Variants in TTC28 observed in about 807,000 individuals in gnomAD.
TTC28 encodes the protein tetratricopeptide repeat protein 28.
A neutral mutation model predicts 198.0 loss-of-function variants in TTC28; 61 were observed. The observed-to-expected ratio is 0.31, with a 90% CI of 0.25 to 0.38. The LOEUF (loss-of-function observed/expected upper bound fraction) is 0.38. TTC28 is among the 10% of genes least tolerant of loss of function. TTC28 has a pLI of 1.00. For missense variants in TTC28, 2,678 were observed against 3,164.0 expected (o/e 0.85, Z 3.69); for synonymous variants, 1,171 against 1,297.8 (o/e 0.90, Z 2.10).
intron 12 of TTC28, among the ~76,000 whole-genome samples, chr22:28,038,646 A>C (rs1217265099): frequency 6.6e-6 from 1 of 152,244 alleles, no homozygotes; most frequent in Non-Finnish European, 1.5e-5. Flanking sequence ...AAGCAATGGC[A>C]ACAAAAGCCA....
In TTC28 at chr22:28,308,046, A is replaced by G. The variant is rs373747737; in HGVS notation, c.382-1403T>C. ...CACCATTCAGTGTTTCTATTAAAAA[A>G]CAATCCATAAACAGAATGAATACTC... On this transcript the variant is annotated intron_variant, in intron 2 of 22. Transcript: ENST00000397906. Among the ~76,000 whole-genome samples the G allele has an allele frequency of 5.9e-5, 9 of 152,224 alleles. No homozygotes were observed. The East Asian group carries it at 1.7e-3, about 29-fold the overall frequency.
At chr22:28,165,665 G>T (rs1921846346) in intron 5 of TTC28, among the ~76,000 whole-genome samples, 1 of 152,154 alleles carries the variant, frequency 6.6e-6, no homozygotes, top group South Asian at 2.1e-4. Context: ...CCCTAAAAGA[G>T]CTCCTGAAGG....
intron 2 of TTC28, among the ~76,000 whole-genome samples, chr22:28,480,174 A>G (rs912383331): frequency 2.0e-5 from 3 of 152,190 alleles, no homozygotes; most frequent in African/African-American, 7.2e-5. Context: ...AAGAGAAACA[A>G]GAGTGCTCCT....
intron 17 of TTC28, 101 bp from the exon 18 acceptor site, chr22:27,993,619 C>T: frequency 8.2e-7 from 1 of 1,216,146 alleles, no homozygotes; most frequent in Non-Finnish European, 1.1e-6. Context: ...GCCAGGCTGA[C>T]TGCTGCAACC....
At chr22:28,117,839 TAGAA>T (rs1942674449) in intron 6 of TTC28, among the ~76,000 whole-genome samples, 1 of 152,094 alleles carries the variant, frequency 6.6e-6, no homozygotes, top group Admixed American at 6.5e-5. Flanking sequence ...AAAAAATAGT[TAGAA>T]AGAATGAATA....
At chr22:28,636,279 C>A (rs922568016) in intron 1 of TTC28, among the ~76,000 whole-genome samples, 1 of 151,804 alleles carries the variant, frequency 6.6e-6, no homozygotes, top group Non-Finnish European at 1.5e-5. Context: ...GTGCCCACCA[C>A]CATGTCCGGC....
At chr22:28,190,868 G>A (rs532378047) in intron 5 of TTC28, among the ~76,000 whole-genome samples, 30 of 151,894 alleles carry the variant, frequency 2.0e-4, no homozygotes, top group Non-Finnish European at 3.2e-4. Context: ...TCCCACTCTG[G>A]GCCTCTTTTT....
At chr22:28,199,530 C>CGTATATATAT (rs1555937410) in intron 5 of TTC28, among the ~76,000 whole-genome samples, 1 of 138,960 alleles carries the variant, frequency 7.2e-6, no homozygotes, top group African/African-American at 2.7e-5. Flanking sequence ...AATACCTATA[C>CGTATATATAT]ATATATATAT....
At chr22:28,165,159 C>T (rs1200339597) in intron 5 of TTC28, among the ~76,000 whole-genome samples, 1 of 152,116 alleles carries the variant, frequency 6.6e-6, no homozygotes, top group Non-Finnish European at 1.5e-5. Context: ...ACAAAGCCTC[C>T]AAGAAATATG....
intron 17 of TTC28, 59 bp from the exon 18 acceptor site, chr22:27,993,577 G>C: frequency 6.9e-7 from 1 of 1,456,652 alleles, no homozygotes; most frequent in Non-Finnish European, 9.2e-7. Flanking sequence ...CCATCCGCAT[G>C]GCTTTGAGGG....
intron 12 of TTC28, among the ~76,000 whole-genome samples, chr22:28,066,931 C>A (rs1345740268): frequency 1.3e-5 from 2 of 152,160 alleles, no homozygotes; most frequent in African/African-American, 4.8e-5. Flanking sequence ...CTGTGTTTGG[C>A]AGGGCAAAAA....
At chr22:28,191,480 G>A (rs1031822591) in intron 5 of TTC28, among the ~76,000 whole-genome samples, 2 of 152,258 alleles carry the variant, frequency 1.3e-5, no homozygotes, top group Admixed American at 6.5e-5. Context: ...GTAAGCGGAG[G>A]CAGGGCGAGG....
At chr22:28,550,128 A>T (rs1655211229) in intron 2 of TTC28, among the ~76,000 whole-genome samples, 1 of 152,160 alleles carries the variant, frequency 6.6e-6, no homozygotes, top group South Asian at 2.1e-4. Context: ...TGCCATTTTC[A>T]AAGAGGTACT....
intron 16 of TTC28, 126 bp downstream of exon 16, chr22:27,998,412 CCT>C: frequency 7.2e-7 from 1 of 1,397,528 alleles, no homozygotes; most frequent in Non-Finnish European, 9.4e-7. Context: ...AGGCTCTCTC[CCT>C]GAGTCTTCTG....
intron 12 of TTC28, among the ~76,000 whole-genome samples, chr22:28,039,403 A>G (rs1569100335): frequency 6.6e-6 from 1 of 152,098 alleles, no homozygotes; most frequent in Non-Finnish European, 1.5e-5. Flanking sequence ...CATCATTCTC[A>G]GCAAACTATA....
At chr22:28,588,905 T>C (rs1000763472) in intron 2 of TTC28, among the ~76,000 whole-genome samples, 1 of 152,188 alleles carries the variant, frequency 6.6e-6, no homozygotes, top group African/African-American at 2.4e-5. Flanking sequence ...CATTATCTCA[T>C]CTAACACTGT....
intron 12 of TTC28, chr22:28,056,592 AATT>A (rs1172418480): frequency 1.7e-5 from 2 of 120,172 alleles, no homozygotes; most frequent in Non-Finnish European, 3.4e-5. Context: ...TTCAGAAGGC[AATT>A]ATTAGCCATA....
chr22:28,247,780 A>G (rs1930215026), intron 5 of TTC28, among the ~76,000 whole-genome samples: 1 of 152,186 alleles, frequency 6.6e-6, no homozygotes, highest in African/African-American at 2.4e-5. Context: ...TGTATATGAT[A>G]TATGTGGAGA....
chr22:28,514,760 T>C (rs1214656346), intron 2 of TTC28, among the ~76,000 whole-genome samples: 1 of 152,192 alleles, frequency 6.6e-6, no homozygotes, highest in East Asian at 1.9e-4. Flanking sequence ...CACTTACCAC[T>C]ACATTTGCCA....
Sources: allele counts gnomAD v4.1 joint callset (sites outside exome capture counted in the v4.1 genomes callset), GRCh38; gene constraint gnomAD v4.1.1; transcripts MANE v1.5; gene names NCBI Gene and HGNC (gene_info 2026-07-23, HGNC 2026-07-21).